SFMBT2: variants seen among roughly 807,000 people sequenced by gnomAD.
The protein encoded by SFMBT2 is scm-like with four MBT domains protein 2.
Under a neutral mutation model 110.1 loss-of-function variants are expected in SFMBT2, and 38 were observed. That is an observed-to-expected ratio of 0.35 (90% confidence interval 0.27 to 0.45). The LOEUF is 0.45. Among genes scored for constraint, SFMBT2 ranks in the 20% least tolerant of loss-of-function variants. The pLI, the probability that SFMBT2 is intolerant of heterozygous loss-of-function variation, is 1.00. For synonymous variants in SFMBT2, 425 were observed against 425.4 expected, an observed-to-expected ratio of 1.00 and a Z score of 0.01; for missense variants, 1,011 against 1,094.9, an observed-to-expected ratio of 0.92 and a Z score of 1.08.
At chr10:7,281,518 T>C (rs1356090674) in intron 6 of SFMBT2, among the ~76,000 whole-genome samples, 1 of 152,182 alleles carries the variant, frequency 6.6e-6, no homozygotes, top group Non-Finnish European at 1.5e-5. Context: ...CTCGCCTAGA[T>C]TCCAGTTAAG....
At chr10:7,370,939 G>C (rs906538357) in intron 2 of SFMBT2, 1 of 254,780 alleles carries the variant, frequency 3.9e-6, no homozygotes. Context: ...TGACACTCCC[G>C]ACGCCTGGCC....
intron 2 of SFMBT2, among the ~76,000 whole-genome samples, chr10:7,374,917 G>C (rs935590260): frequency 2.0e-5 from 3 of 152,136 alleles, no homozygotes; most frequent in Admixed American, 1.3e-4. Context: ...ATGAGCAATA[G>C]AAAAACACAC....
intron 17 of SFMBT2, among the ~76,000 whole-genome samples, chr10:7,175,464 C>A (rs1051366928): frequency 6.6e-6 from 1 of 152,126 alleles, no homozygotes. Context: ...AGCCAACTGG[C>A]AGAAAAGAAA....
At chr10:7,319,774 G>C (rs12766882) in intron 4 of SFMBT2, among the ~76,000 whole-genome samples, 25 of 147,624 alleles carry the variant, frequency 1.7e-4, no homozygotes, top group Admixed American at 8.0e-4. Flanking sequence ...GAGAGACACA[G>C]AGAGAGAGAG....
intron 4 of SFMBT2, among the ~76,000 whole-genome samples, chr10:7,308,198 A>AT (rs1259176910): frequency 6.6e-6 from 1 of 151,840 alleles, no homozygotes; most frequent in Non-Finnish European, 1.5e-5. Context: ...CTATAAAAAC[A>AT]TTTTTTTTAA....
intron 4 of SFMBT2, among the ~76,000 whole-genome samples, chr10:7,353,776 C>T (rs1844405892): frequency 6.6e-6 from 1 of 152,048 alleles, no homozygotes; most frequent in African/African-American, 2.4e-5. Flanking sequence ...TGATACCTTC[C>T]ATCCTACATT....
rs375190118 is a variant in SFMBT2, at chr10:7,248,524, G to T, written c.972+24C>A. 1.9e-6 allele frequency: 3 copies of T among 1,599,182 alleles called. No individual in the cohort carries two copies. The East Asian group carries it at 6.7e-5, about 36-fold the overall frequency. ...TTTGATCCACTCTAGGGGCTGGGTC[G>T]AAGAGCGAGGGAGGAAAACCCACCT... On this transcript the variant is annotated intron_variant, in intron 8 of 20. Transcript: ENST00000397167.
intron 7 of SFMBT2, chr10:7,249,427 G>A (rs1023524019): frequency 6.8e-6 from 5 of 731,528 alleles, no homozygotes; most frequent in African/African-American, 1.9e-5. Flanking sequence ...ATCTTGCGGA[G>A]ATGGAGGTCA....
chr10:7,202,344 T>G (rs1838981710), intron 13 of SFMBT2, 136 bp downstream of exon 13: 8 of 1,090,656 alleles, frequency 7.3e-6, no homozygotes, highest in Non-Finnish European at 1.1e-5. Flanking sequence ...TAACAGTCAC[T>G]ATGTTTTACT....
chr10:7,242,262 C>G (rs181468875), intron 9 of SFMBT2, among the ~76,000 whole-genome samples: 1 of 152,312 alleles, frequency 6.6e-6, no homozygotes, highest in Non-Finnish European at 1.5e-5. Flanking sequence ...CTCCACTGGA[C>G]AGTCTTGAAA....
At chr10:7,386,828 T>A (rs1021337173) in intron 1 of SFMBT2, among the ~76,000 whole-genome samples, 7 of 152,202 alleles carry the variant, frequency 4.6e-5, no homozygotes, top group African/African-American at 1.7e-4. Context: ...CATGCACTTA[T>A]TTAATCCTCA....
At chr10:7,278,253 A>AAGAATGGGGCCTCTGATGTCCACAGTG (rs1241874981) in intron 6 of SFMBT2, among the ~76,000 whole-genome samples, 7 of 152,200 alleles carry the variant, frequency 4.6e-5, no homozygotes, top group African/African-American at 1.7e-4. Flanking sequence ...TGGAGACTGA[A>AAGAATGGGGCCTCTGATGTCCACAGTG]AGAATGGGGC....
chr10:7,188,900 C>T (rs1314930732), intron 15 of SFMBT2, among the ~76,000 whole-genome samples, 167 bp from the exon 16 acceptor site: 4 of 152,240 alleles, frequency 2.6e-5, no homozygotes, highest in Admixed American at 1.3e-4. Flanking sequence ...CAGGCTAACA[C>T]TGAGTTGTTT....
intron 14 of SFMBT2, among the ~76,000 whole-genome samples, chr10:7,199,634 C>T (rs1435420470): frequency 1.3e-5 from 2 of 152,178 alleles, no homozygotes; most frequent in African/African-American, 2.4e-5. Context: ...AAGTCCACAG[C>T]TGCATTTACA....
At chr10:7,239,448 A>C (rs1460788036) in intron 9 of SFMBT2, among the ~76,000 whole-genome samples, 2 of 152,146 alleles carry the variant, frequency 1.3e-5, no homozygotes, top group African/African-American at 4.8e-5. Context: ...CTACAATATG[A>C]CTCTTAATCC....
At chr10:7,287,184 A>G (rs976936826) in intron 4 of SFMBT2, among the ~76,000 whole-genome samples, 2 of 141,020 alleles carry the variant, frequency 1.4e-5, no homozygotes, top group African/African-American at 5.3e-5. Context: ...GGTTCACGCC[A>G]TTCTCCTGCC....
At chr10:7,252,859 G>C (rs987759741) in intron 7 of SFMBT2, among the ~76,000 whole-genome samples, 1 of 152,098 alleles carries the variant, frequency 6.6e-6, no homozygotes, top group African/African-American at 2.4e-5. Flanking sequence ...ATTCTTGATG[G>C]GACCCTAAAC....
chr10:7,208,363 T>G (rs952064246), intron 11 of SFMBT2, among the ~76,000 whole-genome samples: 1 of 152,198 alleles, frequency 6.6e-6, no homozygotes, highest in African/African-American at 2.4e-5. Flanking sequence ...TCTTTCCAGA[T>G]TTACATTTAG....
intron 11 of SFMBT2, among the ~76,000 whole-genome samples, chr10:7,214,277 G>C (rs1839457162): frequency 6.6e-6 from 1 of 152,248 alleles, no homozygotes; most frequent in African/African-American, 2.4e-5. Flanking sequence ...AGCAGGTGAA[G>C]AGAGGACAGT....
Sources: gnomAD v4.1 joint callset for allele counts (sites outside exome capture counted in the v4.1 genomes callset) on GRCh38, gnomAD v4.1.1 for gene constraint, MANE v1.5 for transcripts, NCBI Gene and HGNC (gene_info 2026-07-23, HGNC 2026-07-21) for gene names.